Variants in OPCML observed in about 807,000 individuals in gnomAD.
OPCML encodes the protein opioid-binding protein/cell adhesion molecule.
A neutral mutation model predicts 37.8 loss-of-function variants in OPCML; 13 were observed. The ratio of observed to expected loss-of-function variants is 0.34; its 90% CI spans 0.22 to 0.55. The LOEUF (loss-of-function observed/expected upper bound fraction) is 0.55, where lower values mean the gene tolerates loss of function less well. OPCML is among the 20% of genes least tolerant of loss of function. The pLI is 0.91. For missense variants in OPCML, 341 were observed against 435.6 expected (o/e 0.78, Z 1.93); for synonymous variants, 176 against 168.8 (o/e 1.04, Z -0.33).
intron 2 of OPCML, among the ~76,000 whole-genome samples, chr11:132,900,078 A>G (rs1943995564): frequency 1.3e-5 from 2 of 152,138 alleles, no homozygotes; most frequent in African/African-American, 4.8e-5. Context: ...ATTGATTTTT[A>G]TGTCTCTAGA....
At chr11:133,061,087 A>G (rs1948333758) in intron 1 of OPCML, among the ~76,000 whole-genome samples, 1 of 152,168 alleles carries the variant, frequency 6.6e-6, no homozygotes, top group Admixed American at 6.5e-5. Flanking sequence ...GCTGGTCTTG[A>G]ACTCCTGGGT....
At chr11:133,018,691 G>A (rs1947384920) in intron 1 of OPCML, among the ~76,000 whole-genome samples, 1 of 152,192 alleles carries the variant, frequency 6.6e-6, no homozygotes, top group African/African-American at 2.4e-5. Flanking sequence ...AAAGAGCTCC[G>A]ACTGGGCTTG....
At chr11:133,439,012 T>C (rs1946302363) in intron 1 of OPCML, among the ~76,000 whole-genome samples, 1 of 152,136 alleles carries the variant, frequency 6.6e-6, no homozygotes, top group Non-Finnish European at 1.5e-5. Flanking sequence ...GTTCCTGAGT[T>C]CTATTCTGTA....
At chr11:132,458,661 A>C (rs2096090777) in intron 4 of OPCML, among the ~76,000 whole-genome samples, 1 of 152,214 alleles carries the variant, frequency 6.6e-6, no homozygotes, top group Non-Finnish European at 1.5e-5. Flanking sequence ...TTTTTAAAAA[A>C]CACTGATAAA....
chr11:133,247,897 C>T (rs1017025595), intron 1 of OPCML, among the ~76,000 whole-genome samples: 2 of 152,130 alleles, frequency 1.3e-5, no homozygotes, highest in Non-Finnish European at 2.9e-5. Context: ...GCATGAGCCA[C>T]CGCACCCAGC....
At chr11:132,852,919 A>G (rs1565911534) in intron 2 of OPCML, among the ~76,000 whole-genome samples, 1 of 151,332 alleles carries the variant, frequency 6.6e-6, no homozygotes, top group Non-Finnish European at 1.5e-5. Flanking sequence ...AAAAAAAAAA[A>G]GAAGAAGATT....
intron 1 of OPCML, among the ~76,000 whole-genome samples, chr11:133,011,247 C>T (rs1400814453): frequency 6.6e-6 from 1 of 152,178 alleles, no homozygotes; most frequent in Non-Finnish European, 1.5e-5. Context: ...CAGCATGACT[C>T]TTGAGAGCAG....
rs184426826 is a variant in OPCML, at chr11:133,415,174, C to T, written c.61+117090G>A. Among the ~76,000 whole-genome samples the T allele has an allele frequency of 3.4e-4, 51 of 152,176 alleles. No individual in the cohort carries two copies. In the East Asian group the frequency reaches 9.9e-3, roughly 29 times the overall value. On this transcript the variant is annotated intron_variant, in intron 1 of 7. Transcript: ENST00000524381. ...CCTGTAATCCCAGCACTTTGGGAGG[C>T]CGAGGCGGGCGGATCACGAGGTCAG... is the stretch of plus-strand genomic sequence containing the variant.
intron 2 of OPCML, among the ~76,000 whole-genome samples, chr11:132,798,988 G>T (rs1210023528): frequency 6.6e-6 from 1 of 152,128 alleles, no homozygotes; most frequent in African/African-American, 2.4e-5. Context: ...AGGCTCTGTT[G>T]TTCCATTTGT....
In OPCML at chr11:133,395,091, T is replaced by C. The variant is rs181267771; in HGVS notation, c.61+137173A>G. Among the ~76,000 whole-genome samples the C allele has an allele frequency of 1.6e-3, 243 of 152,350 alleles. 1 individual carries two copies. The highest frequency in any genetic ancestry group is 5.8e-3 in the African/African-American group (240 of 41,582). The stretch of plus-strand genomic sequence containing the variant: ...TTAACTGGGGTGAGATGATATATCA[T>C]TGTAGTTTTGATTTGCATTTCTCTG... On this transcript the variant is annotated intron_variant, in intron 1 of 7. Transcript: ENST00000524381.
intron 4 of OPCML, among the ~76,000 whole-genome samples, chr11:132,505,048 A>T (rs781656898): frequency 1.3e-5 from 2 of 152,090 alleles, no homozygotes; most frequent in Admixed American, 6.5e-5. Flanking sequence ...AAAAAGTACC[A>T]TTTCATAAAG....
intron 1 of OPCML, among the ~76,000 whole-genome samples, chr11:133,138,699 C>T (rs1044469821): frequency 1.3e-5 from 2 of 152,170 alleles, no homozygotes; most frequent in Non-Finnish European, 2.9e-5. Flanking sequence ...ACATCTCCCA[C>T]CCCACTCCTG....
intron 3 of OPCML, among the ~76,000 whole-genome samples, chr11:132,651,244 C>A (rs1024574108): frequency 6.6e-6 from 1 of 152,130 alleles, no homozygotes; most frequent in African/African-American, 2.4e-5. Flanking sequence ...TAAATATACC[C>A]GGTCTTGGGT....
intron 1 of OPCML, among the ~76,000 whole-genome samples, chr11:133,167,360 T>C (rs1950222149): frequency 6.6e-6 from 1 of 152,174 alleles, no homozygotes; most frequent in Admixed American, 6.5e-5. Context: ...AGACCCAAGT[T>C]AGATATTATT....
At chr11:132,548,177 G>A (rs2096373129) in intron 3 of OPCML, among the ~76,000 whole-genome samples, 1 of 152,158 alleles carries the variant, frequency 6.6e-6, no homozygotes, top group Non-Finnish European at 1.5e-5. Context: ...AGCCAGCCAA[G>A]CTTACCTGGG....
chr11:132,981,116 T>C (rs1443300167), intron 1 of OPCML, among the ~76,000 whole-genome samples: 1 of 152,220 alleles, frequency 6.6e-6, no homozygotes. Context: ...CATACACAGT[T>C]CATCATTGAT....
chr11:132,479,716 C>T (rs917760372), intron 4 of OPCML, among the ~76,000 whole-genome samples: 1 of 152,158 alleles, frequency 6.6e-6, no homozygotes, highest in African/African-American at 2.4e-5. Context: ...GGTCCCTGAC[C>T]CCTGACCCCC....
intron 1 of OPCML, among the ~76,000 whole-genome samples, chr11:133,498,168 T>C (rs935576992): frequency 6.6e-6 from 1 of 152,036 alleles, no homozygotes; most frequent in Non-Finnish European, 1.5e-5. Context: ...CCTCTGAGTG[T>C]GTACAGGAGC....
Position 133,488,422 on chromosome 11 carries a change from T to G in OPCML, c.61+43842A>C, listed in dbSNP as rs925114911. ...AAACAAATTTCATAAAGTTTCAGGATACAAAATTAACAGAATCAGTAGTTT... is the reference window on the plus strand; with the variant it reads ...AAACAAATTTCATAAAGTTTCAGGAGACAAAATTAACAGAATCAGTAGTTT... On this transcript the variant is annotated intron_variant, in intron 1 of 7. Coordinates refer to ENST00000524381, the MANE Select transcript of OPCML (RefSeq NM_001012393.5). 2.0e-5 allele frequency among the ~76,000 whole-genome samples: 3 copies of G among 152,114 alleles called. No individual in the cohort carries two copies. The East Asian group carries it at 5.8e-4, about 29-fold the overall frequency.
Sources: gnomAD v4.1 joint callset for allele counts (sites outside exome capture counted in the v4.1 genomes callset) on GRCh38, gnomAD v4.1.1 for gene constraint, MANE v1.5 for transcripts, NCBI Gene and HGNC (gene_info 2026-07-23, HGNC 2026-07-21) for gene names.